Variants in CELSR1 observed in about 807,000 individuals in gnomAD.
CELSR1 encodes the protein cadherin EGF LAG seven-pass G-type receptor 1.
Under a neutral mutation model 249.1 loss-of-function variants are expected in CELSR1, and 110 were observed. The ratio of observed to expected loss-of-function variants is 0.44; its 90% CI spans 0.38 to 0.52. CELSR1 has a LOEUF of 0.52. CELSR1 is among the 20% of genes least tolerant of loss of function. The pLI is 0.00. For missense variants in CELSR1, 4,109 were observed against 4,296.4 expected (o/e 0.96, Z 1.22); for synonymous variants, 2,113 against 1,900.0 (o/e 1.11, Z -2.92).
chr22:46,507,574 C>T (rs1039255681), intron 1 of CELSR1, among the ~76,000 whole-genome samples: 1 of 152,196 alleles, frequency 6.6e-6, no homozygotes, highest in Non-Finnish European at 1.5e-5. Flanking sequence ...AACACTCCTC[C>T]CCAACCCCTC....
chr22:46,505,037 C>A (rs953130964), intron 1 of CELSR1, among the ~76,000 whole-genome samples: 4 of 151,580 alleles, frequency 2.6e-5, no homozygotes, highest in African/African-American at 9.7e-5. Context: ...CCGAGGCGGG[C>A]GGATCATGAG....
At position 46,391,223 on chromosome 22, in the gene CELSR1, C is replaced by T; in HGVS notation, c.6213G>A (p.Gly2071=). 6.2e-7 allele frequency: 1 copy of T among 1,613,640 alleles called. No individual in the cohort carries two copies. The highest frequency in any genetic ancestry group is 8.5e-7 in the Non-Finnish European group (1 of 1,179,986). ...AGIWWPQTKF[G]QPAAVPCPKG... is the part of the protein sequence containing the mutation. ...TAGGGCATGGCACCGCAGCCGGCTGCCCGAACTTGGTCTGTGGCCACCAGA... is the reference window on the plus strand; with the variant it reads ...TAGGGCATGGCACCGCAGCCGGCTGTCCGAACTTGGTCTGTGGCCACCAGA... Residue 2071 remains glycine, a synonymous_variant, in exon 16 of 35, where the codon GGG becomes GGA. Coordinates refer to ENST00000674500, the MANE Select transcript of CELSR1 (RefSeq NM_001378328.1). This position sits in a 1 kb window ranked among gnomAD's most constrained non-coding sequence, Gnocchi z 4.3.
At position 46,441,237 on chromosome 22, in the gene CELSR1, T is replaced by C. The variant is rs149857531; in HGVS notation, c.4184-1826A>G. Among the ~76,000 whole-genome samples, 751 of 151,330 alleles carry C rather than the reference T, an allele frequency of 5.0e-3. 8 individuals carry two copies. The highest frequency in any genetic ancestry group is 0.018 in the African/African-American group (723 of 41,176). ...AGGATACTCAGTGCATAACCCAGCA[T>C]ACCCTTCAAATGGCAGCATCTTCCT... On this transcript the variant is annotated intron_variant, in intron 2 of 34. Coordinates refer to ENST00000674500, the MANE Select transcript of CELSR1 (RefSeq NM_001378328.1). This position sits in a 1 kb window ranked among gnomAD's most constrained non-coding sequence, Gnocchi z 6.1.
intron 1 of CELSR1, among the ~76,000 whole-genome samples, chr22:46,521,789 C>T (rs2080688791): frequency 6.6e-6 from 1 of 152,188 alleles, no homozygotes; most frequent in Non-Finnish European, 1.5e-5. Flanking sequence ...TGCACTCCAG[C>T]CTGGGCAACA....
Position 46,535,313 on chromosome 22 carries a change from T to G in CELSR1, c.1858A>C (p.Lys620Gln). The G allele has an allele frequency of 6.2e-7, 1 of 1,611,898 alleles. No individual in the cohort carries two copies. The highest frequency in any genetic ancestry group is 8.5e-7 in the Non-Finnish European group (1 of 1,179,984). Residue 620 changes from lysine (K) to glutamine (Q), a missense_variant, in exon 1 of 35, where the codon AAG becomes CAG. Transcript: ENST00000674500. ...AAGTCAGGGGTGGGGGCAGGATTCTTAGGCCCAGCGCTGCCGCCCCCCAGA... is the reference window on the plus strand; with the variant it reads ...AAGTCAGGGGTGGGGGCAGGATTCTGAGGCCCAGCGCTGCCGCCCCCCAGA... ...TFLGGGSAGP[K>Q]NPAPTPDFPF...
intron 19 of CELSR1, 125 bp from the exon 20 acceptor site, chr22:46,384,811 G>A (rs1436974583): frequency 5.5e-6 from 6 of 1,087,830 alleles, no homozygotes; most frequent in East Asian, 2.8e-5. Flanking sequence ...TATTTTTGAG[G>A]TGGAGTCTCG....
chr22:46,404,505 T>A (rs1290197004), intron 9 of CELSR1, among the ~76,000 whole-genome samples: 6 of 152,136 alleles, frequency 3.9e-5, no homozygotes, highest in Non-Finnish European at 7.4e-5. Flanking sequence ...TAAGATAAAT[T>A]CATGAGAGAA....
At position 46,440,431 on chromosome 22, in the gene CELSR1, C is replaced by A. The variant is rs1159215933; in HGVS notation, c.4184-1020G>T. Among the ~76,000 whole-genome samples the A allele has an allele frequency of 1.3e-5, 2 of 152,228 alleles. No individual in the cohort carries two copies. The highest frequency in any genetic ancestry group is 2.1e-4 in the South Asian group (1 of 4,834). ...AGCCAGGATGGTCTCCATCTCCTAA[C>A]CTCGTGATCCGCCTGCCTTGGCCTC... On this transcript the variant is annotated intron_variant, in intron 2 of 34. Coordinates refer to ENST00000674500, the MANE Select transcript of CELSR1 (RefSeq NM_001378328.1). This position sits in a 1 kb window ranked among gnomAD's most constrained non-coding sequence, Gnocchi z 4.7.
chr22:46,535,914 C>A lies in CELSR1; in HGVS notation c.1257G>T (p.Glu419Asp). 1.2e-6 allele frequency: 2 copies of A among 1,609,086 alleles called. No homozygotes were observed. The highest frequency in any genetic ancestry group is 1.7e-6 in the Non-Finnish European group (2 of 1,179,498). The part of the protein sequence containing the change: ...VSTRAVLDRE[E>D]AAEYQLLVEA... ...CCACCAGGAGCTGGTACTCGGCCGC[C>A]TCCTCCCGGTCCAGCACCGCCCGTG... The change falls in exon 1 of 35, where the codon GAG (glutamate) becomes GAT (aspartate). Residue 419 changes from glutamate (E) to aspartate (D), a missense_variant. Physicochemically the swap from Glu to Asp is conservative, Grantham distance 45 (BLOSUM62 2). This residue lies in a region of CELSR1 where 673 missense variants were observed against 636.8 expected (regional missense o/e 1.06). Coordinates refer to ENST00000674500, the MANE Select transcript of CELSR1 (RefSeq NM_001378328.1).
intron 2 of CELSR1, among the ~76,000 whole-genome samples, chr22:46,449,789 C>T (rs1484743361): frequency 6.6e-6 from 1 of 152,070 alleles, no homozygotes; most frequent in African/African-American, 2.4e-5. Flanking sequence ...CTGAAGAATT[C>T]AGGCAGGGCA....
At position 46,468,214 on chromosome 22, in the gene CELSR1, T is replaced by C. The variant is rs936115546; in HGVS notation, c.3545-3869A>G. ...CAGCCTGGGCGACCTGGTGAAACCATGTCTCTACTAAAAATACAAAAATTA... is the reference window on the plus strand; with the variant it reads ...CAGCCTGGGCGACCTGGTGAAACCACGTCTCTACTAAAAATACAAAAATTA... On this transcript the variant is annotated intron_variant, in intron 1 of 34. Transcript: ENST00000674500. This position sits in a 1 kb window ranked among gnomAD's most constrained non-coding sequence, Gnocchi z 4.5. 3.3e-5 allele frequency among the ~76,000 whole-genome samples: 5 copies of C among 151,894 alleles called. No homozygotes were observed. The highest frequency in any genetic ancestry group is 7.4e-5 in the Non-Finnish European group (5 of 67,982).
intron 24 of CELSR1, among the ~76,000 whole-genome samples, chr22:46,373,422 G>T (rs372340056): frequency 6.8e-6 from 1 of 146,880 alleles, no homozygotes; most frequent in African/African-American, 2.6e-5. Context: ...TGGGCGGGGC[G>T]GGGGGGCAGC....
At chr22:46,377,738 A>G (rs1035008530) in intron 23 of CELSR1, 2 of 182,468 alleles carry the variant, frequency 1.1e-5, no homozygotes, top group African/African-American at 2.3e-5. Flanking sequence ...TTTGCCCATG[A>G]GACAGGGGCA....
intron 1 of CELSR1, among the ~76,000 whole-genome samples, chr22:46,469,794 G>A (rs374103636): frequency 5.3e-5 from 8 of 150,402 alleles, no homozygotes; most frequent in Non-Finnish European, 1.0e-4. Context: ...GATTACAAGC[G>A]TGAACCACCG....
chr22:46,391,542 A>G lies in CELSR1; in HGVS notation c.6148+91T>C. On this transcript the variant is annotated intron_variant, in intron 15 of 34. Transcript: ENST00000674500. The surrounding 1 kb of genome is among the most constrained non-coding windows in gnomAD (Gnocchi z 4.3). ...AACACGAGGGAGCCCAGGGTCCCCCAAACACCCAGCGTGCATGCACACACG... is the reference window on the plus strand; with the variant it reads ...AACACGAGGGAGCCCAGGGTCCCCCGAACACCCAGCGTGCATGCACACACG... The G allele has an allele frequency of 7.1e-7, 1 of 1,401,094 alleles. No individual in the cohort carries two copies. The highest frequency in any genetic ancestry group is 2.4e-5 in the East Asian group (1 of 41,966). 86.8% of individuals were successfully genotyped at this position (1,401,094 alleles called of 1,614,324 possible).
intron 26 of CELSR1, 137 bp from the exon 27 acceptor site, chr22:46,369,395 G>A (rs2078825703): frequency 1.5e-5 from 11 of 724,758 alleles, no homozygotes; most frequent in Admixed American, 7.5e-5. Context: ...CCTGTGGGGC[G>A]AAGCACACCT....
chr22:46,510,251 T>C (rs1036261427), intron 1 of CELSR1, among the ~76,000 whole-genome samples: 1 of 152,096 alleles, frequency 6.6e-6, no homozygotes, highest in Non-Finnish European at 1.5e-5. Context: ...GCTCAAGCAT[T>C]TTCAGGAAAG....
chr22:46,535,251 T>A lies in CELSR1; in HGVS notation c.1920A>T (p.Thr640=). ...FQIHNSSGWI[T]VCAELDREEV... is the part of the protein sequence containing the mutation. ...CCTCGCGGTCCAGCTCGGCACACAC[T>A]GTGATCCAACCGGAGCTGTTGTGGA... Residue 640 remains threonine (T), a synonymous_variant, in exon 1 of 35, where the codon ACA becomes ACT. Transcript: ENST00000674500. The A allele has an allele frequency of 1.9e-6, 3 of 1,609,948 alleles. No homozygotes were observed. The highest frequency in any genetic ancestry group is 2.5e-6 in the Non-Finnish European group (3 of 1,179,966).
At chr22:46,400,585 G>A (rs1351153529) in intron 9 of CELSR1, among the ~76,000 whole-genome samples, 1 of 152,196 alleles carries the variant, frequency 6.6e-6, no homozygotes, top group Non-Finnish European at 1.5e-5. Flanking sequence ...AGGTTGCAGT[G>A]AGCCGAGATC....
Sources: gnomAD v4.1 joint callset for allele counts (sites outside exome capture counted in the v4.1 genomes callset) on GRCh38, gnomAD v4.1.1 for gene constraint, gnomAD v4.1.1 regional missense constraint, Gnocchi (gnomAD v3.1) non-coding constraint, MANE v1.5 for transcripts, NCBI Gene and HGNC (gene_info 2026-07-23, HGNC 2026-07-21) for gene names.